POPDC3: variants seen among roughly 807,000 people sequenced by gnomAD.
POPDC3 encodes popeye domain-containing protein 3.
Under a neutral mutation model 28.2 loss-of-function variants are expected in POPDC3, and 20 were observed. The ratio of observed to expected loss-of-function variants is 0.71; its 90% CI spans 0.50 to 1.03. The LOEUF (loss-of-function observed/expected upper bound fraction) is 1.03, where lower values mean the gene tolerates loss of function less well. Among genes scored for constraint, POPDC3 ranks in the 50% least tolerant of loss-of-function variants. The pLI is 0.00. For synonymous variants in POPDC3, 118 were observed against 124.1 expected (o/e 0.95, Z 0.33); for missense variants, 316 against 345.9 (o/e 0.91, Z 0.69).
chr6:105,160,656 G>A (rs996425741), intron 2 of POPDC3, among the ~76,000 whole-genome samples: 6 of 151,768 alleles, frequency 4.0e-5, no homozygotes, highest in Admixed American at 6.6e-5. Flanking sequence ...GTAGTGGCGC[G>A]ATCTCAGCTC....
chr6:105,174,877 T>A (rs544008143), intron 1 of POPDC3, among the ~76,000 whole-genome samples: 8 of 152,312 alleles, frequency 5.3e-5, no homozygotes, highest in Non-Finnish European at 1.0e-4. Flanking sequence ...GACTAAATTA[T>A]ATCTGAAATG....
chr6:105,174,750 C>G (rs1210742580), intron 1 of POPDC3, among the ~76,000 whole-genome samples: 1 of 152,156 alleles, frequency 6.6e-6, no homozygotes, highest in African/African-American at 2.4e-5. Flanking sequence ...TTCTTGGAAA[C>G]AAACAGACAC....
At chr6:105,179,744 G>T (rs1337618719) in intron 1 of POPDC3, 89 bp downstream of exon 1, 2 of 152,228 alleles carry the variant, frequency 1.3e-5, no homozygotes, top group African/African-American at 4.8e-5. Context: ...AGCCGCGCCC[G>T]CTAAGTTGCC....
At chr6:105,161,399 G>C in intron 2 of POPDC3, 26 bp downstream of exon 2, 1 of 1,593,490 alleles carries the variant, frequency 6.3e-7, no homozygotes, top group Non-Finnish European at 8.5e-7. Flanking sequence ...CTTGAGGAAA[G>C]ACATGCAAGC....
chr6:105,159,775 G>C lies in POPDC3; in HGVS notation c.530C>G (p.Pro177Arg). Residue 177 changes from proline (P) to arginine (R), a missense_variant, in exon 3 of 4, where the codon CCC becomes CGC. By Grantham distance (103) the Pro-to-Arg change is moderately radical. Transcript: ENST00000254765. ...VDGEFLHYIF[P>R]LQFLDSPEWD... ...CTCAGGAGAATCCAGGAACTGAAGG[G>C]GGAAAATGTAATGCAGAAATTCGCC... is the stretch of plus-strand genomic sequence containing the variant. 6.2e-7 allele frequency: 1 copy of C among 1,613,436 alleles called. No individual in the cohort carries two copies. Among genetic ancestry groups the C allele is most frequent in the Non-Finnish European group, 8.5e-7 (1 of 1,179,648 alleles).
chr6:105,158,252 C>A lies in POPDC3; in HGVS notation c.*218G>T. ...AGGGCAAACTGCCCATAGTTATCCA[C>A]CCCCTCCCCAATTATAACAATGAGA... is the stretch of plus-strand genomic sequence containing the variant. On this transcript the variant is annotated 3_prime_UTR_variant, in exon 4 of 4. Coordinates refer to ENST00000254765, the MANE Select transcript of POPDC3 (RefSeq NM_022361.5). The A allele has an allele frequency of 2.1e-6, 1 of 487,034 alleles. No individual in the cohort carries two copies. Among genetic ancestry groups the A allele is most frequent in the Non-Finnish European group, 3.6e-6 (1 of 277,234 alleles). The allele number at this position is 487,034 out of a possible 1,614,324, so 30.2% of individuals were successfully genotyped here.
rs1774338969 is a variant in POPDC3 at position 105,161,800 on chromosome 6, A to G, written c.110T>C (p.Phe37Ser). Reference sequence around the variant, plus strand: ...ACTGCCACCCATGAAACCTACTACAAATAAAATACTGGCAAGATGATAAAT... The same window carrying G: ...ACTGCCACCCATGAAACCTACTACAGATAAAATACTGGCAAGATGATAAAT... ...GAIYHLASIL[F>S]VVGFMGGSGF... is the part of the protein sequence containing the mutation. The change falls in exon 2 of 4, where the codon TTT (phenylalanine) becomes TCT (serine). Residue 37 changes from phenylalanine to serine, a missense_variant. Physicochemically the swap from Phe to Ser is radical, Grantham distance 155 (BLOSUM62 -2). Transcript: ENST00000254765. The G allele has an allele frequency of 4.3e-6, 7 of 1,614,044 alleles. No homozygotes were observed. Among genetic ancestry groups the G allele is most frequent in the African/African-American group, 2.7e-5 (2 of 74,902 alleles).
chr6:105,178,334 A>G (rs1247756794), intron 1 of POPDC3, among the ~76,000 whole-genome samples: 7 of 152,216 alleles, frequency 4.6e-5, no homozygotes, highest in African/African-American at 1.4e-4. Context: ...CGTATTAGTC[A>G]GTCTTGTGGT....
rs371952749 is a variant in POPDC3 at position 105,158,425 on chromosome 6, G to A, written c.*45C>T. The A allele has an allele frequency of 1.6e-4, 234 of 1,488,148 alleles. No individual in the cohort carries two copies. Among genetic ancestry groups the A allele is most frequent in the Non-Finnish European group, 2.0e-4 (225 of 1,104,228 alleles). 92.2% of individuals were successfully genotyped at this position (1,488,148 alleles called of 1,614,324 possible). ...TTTTGCTATTTCACTGGGGAATGATGAAGAGAGAGTCTTTTTTTATACTTA... is the reference window on the plus strand; with the variant it reads ...TTTTGCTATTTCACTGGGGAATGATAAAGAGAGAGTCTTTTTTTATACTTA... On this transcript the variant is annotated 3_prime_UTR_variant, in exon 4 of 4. Coordinates refer to ENST00000254765, the MANE Select transcript of POPDC3 (RefSeq NM_022361.5).
intron 1 of POPDC3, among the ~76,000 whole-genome samples, chr6:105,168,260 T>C (rs961235917): frequency 6.6e-6 from 1 of 152,218 alleles, no homozygotes; most frequent in Non-Finnish European, 1.5e-5. Flanking sequence ...CAAACAATTA[T>C]ATTACATGGT....
At chr6:105,166,815 A>C (rs1473416134) in intron 1 of POPDC3, 1 of 324,274 alleles carries the variant, frequency 3.1e-6, no homozygotes, top group African/African-American at 2.2e-5. Flanking sequence ...CAATTTTTTA[A>C]TTTTTTCAGT....
intron 1 of POPDC3, among the ~76,000 whole-genome samples, 169 bp from the exon 2 acceptor site, chr6:105,162,329 G>A (rs188045503): frequency 2.0e-4 from 31 of 152,280 alleles, no homozygotes; most frequent in South Asian, 8.3e-4. Flanking sequence ...GGTATAAAAA[G>A]TATATTTATT....
At chr6:105,165,890 T>C (rs1157096989) in intron 1 of POPDC3, among the ~76,000 whole-genome samples, 1 of 152,218 alleles carries the variant, frequency 6.6e-6, no homozygotes, top group Non-Finnish European at 1.5e-5. Flanking sequence ...ATCATTTTCT[T>C]AGTTTTTTTG....
At position 105,161,710 on chromosome 6, in the gene POPDC3, C is replaced by T; in HGVS notation, c.200G>A (p.Trp67Ter). The T allele has an allele frequency of 6.2e-7, 1 of 1,614,148 alleles. No individual in the cohort carries two copies. Among genetic ancestry groups the T allele is most frequent in the East Asian group, 2.2e-5 (1 of 44,880 alleles). Residue 67 changes from tryptophan to a stop codon, truncating the protein, a stop_gained, in exon 2 of 4, where the codon TGG becomes TAG. Transcript: ENST00000254765. LOFTEE classifies it high-confidence loss of function. ...AGCTGCACAGACATCTACCCAAGCC[C>T]AGACAGCAGAACAGAGAAAACCCAA... ...LGLGFLCSAV[W>*]AWVDVCAADI...
intron 2 of POPDC3, among the ~76,000 whole-genome samples, chr6:105,160,747 C>T (rs963771420): frequency 6.6e-6 from 1 of 152,024 alleles, no homozygotes; most frequent in African/African-American, 2.4e-5. Context: ...CATGTGCCAC[C>T]ATGCCTGGAT....
rs917766755 is a variant in POPDC3 at position 105,174,536 on chromosome 6, C to A, written c.-252+5297G>T. Among the ~76,000 whole-genome samples, 4 of 152,194 alleles carry A rather than the reference C, an allele frequency of 2.6e-5. 1 individual carries two copies. Among genetic ancestry groups the A allele is most frequent in the Non-Finnish European group, 5.9e-5 (4 of 68,040 alleles). On this transcript the variant is annotated intron_variant, in intron 1 of 3. Coordinates refer to ENST00000254765, the MANE Select transcript of POPDC3 (RefSeq NM_022361.5). ...CTGAAAATATCGTAAGTTGAAAACA[C>A]ACGTTTGACTTACAGTTTCTCAATT...
intron 1 of POPDC3, among the ~76,000 whole-genome samples, chr6:105,164,355 C>G (rs1197858553): frequency 6.6e-6 from 1 of 152,158 alleles, no homozygotes; most frequent in Non-Finnish European, 1.5e-5. Flanking sequence ...ATTCCAGGGT[C>G]ATGACCCATT....
At chr6:105,174,489 T>C (rs1472494118) in intron 1 of POPDC3, among the ~76,000 whole-genome samples, 2 of 152,174 alleles carry the variant, frequency 1.3e-5, no homozygotes, top group East Asian at 1.9e-4. Context: ...TGCTCCCCAA[T>C]GTACAATGAA....
intron 1 of POPDC3, among the ~76,000 whole-genome samples, chr6:105,162,448 C>T (rs1222994758): frequency 2.6e-5 from 4 of 152,122 alleles, no homozygotes; most frequent in Non-Finnish European, 4.4e-5. Flanking sequence ...ACTAAAAATG[C>T]GGGCCGGGCG....
Sources: allele counts gnomAD v4.1 joint callset (sites outside exome capture counted in the v4.1 genomes callset), GRCh38; gene constraint gnomAD v4.1.1; transcripts MANE v1.5; gene names NCBI Gene and HGNC (gene_info 2026-07-23, HGNC 2026-07-21).